TGM3: variants seen among roughly 807,000 people sequenced by gnomAD.
TGM3 encodes the protein protein-glutamine gamma-glutamyltransferase E.
TGM3 carries 52 observed loss-of-function variants against 73.8 expected under a neutral mutation model. The observed-to-expected ratio is 0.70, with a 90% confidence interval of 0.56 to 0.89. The LOEUF is 0.89. Among genes scored for constraint, TGM3 ranks in the 40% least tolerant of loss-of-function variants. The pLI is 0.00. For synonymous variants in TGM3, 372 were observed against 354.9 expected (o/e 1.05, Z -0.54); for missense variants, 928 against 909.9 (o/e 1.02, Z -0.26).
At chr20:2,306,451 T>C (rs1297169371) in intron 1 of TGM3, among the ~76,000 whole-genome samples, 3 of 151,068 alleles carry the variant, frequency 2.0e-5, no homozygotes, top group Non-Finnish European at 2.9e-5. Context: ...GAGGTCTTCT[T>C]TTTTCTTTTT....
chr20:2,340,102 T>C, intron 12 of TGM3, 115 bp downstream of exon 12: 2 of 1,300,808 alleles, frequency 1.5e-6, no homozygotes. Flanking sequence ...CTTTACTCTT[T>C]TGGGGGTCTT....
chr20:2,330,690 G>A (rs926045774), intron 9 of TGM3, among the ~76,000 whole-genome samples: 1 of 152,176 alleles, frequency 6.6e-6, no homozygotes, highest in Non-Finnish European at 1.5e-5. Flanking sequence ...GAAGGGGCTT[G>A]CTGTATCGTA....
intron 2 of TGM3, 148 bp from the exon 3 acceptor site, chr20:2,310,030 G>A: frequency 7.2e-7 from 1 of 1,381,694 alleles, no homozygotes; most frequent in African/African-American, 1.4e-5. Context: ...GAGGGATCTG[G>A]CCTGTATGTT....
In TGM3 at chr20:2,334,284, G is replaced by GATGCAGGGCCAGGTT. The variant is rs2084336194; in HGVS notation, c.1643-831_1643-817dup. Among the ~76,000 whole-genome samples, 1 of 152,244 alleles carries GATGCAGGGCCAGGTT rather than the reference G, an allele frequency of 6.6e-6. No homozygotes were observed. Among genetic ancestry groups the GATGCAGGGCCAGGTT allele is most frequent in the Non-Finnish European group, 1.5e-5 (1 of 68,044 alleles). On this transcript the variant is annotated intron_variant, in intron 10 of 12. Coordinates refer to ENST00000381458, the MANE Select transcript of TGM3 (RefSeq NM_003245.4). This position sits in a 1 kb window ranked among gnomAD's most constrained non-coding sequence, Gnocchi z 4.0. ...TGGAAGGTTCTTTTAAGGGACAGGT[G>GATGCAGGGCCAGGTT]ATGCAGGGCCAGGTTGAGGGGTCTG...
intron 8 of TGM3, among the ~76,000 whole-genome samples, chr20:2,327,131 A>C (rs757318979): frequency 3.3e-4 from 50 of 152,176 alleles, no homozygotes; most frequent in Non-Finnish European, 6.6e-4. Flanking sequence ...AATGGAATGG[A>C]ACGGAAAGCA....
At chr20:2,333,405 G>A (rs567141846) in intron 10 of TGM3, among the ~76,000 whole-genome samples, 1 of 152,054 alleles carries the variant, frequency 6.6e-6, no homozygotes, top group South Asian at 2.1e-4. Context: ...TATTTGTTTT[G>A]TTTTTAGACA....
At chr20:2,337,861 T>C (rs7263873) in intron 11 of TGM3, among the ~76,000 whole-genome samples, 3,699 of 152,326 alleles carry the variant, frequency 0.024, 138 homozygotes, top group African/African-American at 0.083. Context: ...AGTCTACTTA[T>C]CTTTAAGATA....
In TGM3 at chr20:2,340,941, A is replaced by G; in HGVS notation, c.*360A>G. ...GGATACAGGAGAGAAGCTGGTCTAG[A>G]CTGTTTGCTGATCCCCAACCTGCAC... On this transcript the variant is annotated 3_prime_UTR_variant, in exon 13 of 13. Transcript: ENST00000381458. 1 of 475,778 alleles carries G rather than the reference A, an allele frequency of 2.1e-6. No homozygotes were observed. The highest frequency in any genetic ancestry group is 4.2e-6 in the Non-Finnish European group (1 of 240,196). 29.5% of individuals were successfully genotyped at this position (475,778 alleles called of 1,614,324 possible). A position where few individuals can be genotyped will look rare whatever the true frequency, so the allele number is the denominator to read the frequency against.
chr20:2,339,847 C>T lies in TGM3; in HGVS notation c.1801-7C>T. 1 of 1,613,956 alleles carries T rather than the reference C, an allele frequency of 6.2e-7. No individual in the cohort carries two copies. ...AGTCCTGACTCGGCAGCCCCTCTCC[C>T]CCATAGGTGCTGAACGAGGCTCGTG... On this transcript the variant is annotated splice_polypyrimidine_tract_variant and splice_region_variant and intron_variant, in intron 11 of 12. Transcript: ENST00000381458.
At chr20:2,300,249 A>AAAGG (rs982719705) in intron 1 of TGM3, among the ~76,000 whole-genome samples, 1 of 151,486 alleles carries the variant, frequency 6.6e-6, no homozygotes, top group Non-Finnish European at 1.5e-5. Context: ...AGAAAGAAAG[A>AAAGG]AAGAAAAGAG....
In TGM3 at chr20:2,328,504, A is replaced by G; in HGVS notation, c.1333+139A>G. ...CTGAATGATAGGATTGCTCCCTAGC[A>G]CCTAACATCCACCTCCCAGGACTGT... On this transcript the variant is annotated intron_variant, in intron 9 of 12. Transcript: ENST00000381458. This position sits in a 1 kb window ranked among gnomAD's most constrained non-coding sequence, Gnocchi z 5.2. 1 of 1,226,064 alleles carries G rather than the reference A, an allele frequency of 8.2e-7. No individual in the cohort carries two copies. The highest frequency in any genetic ancestry group is 1.1e-6 in the Non-Finnish European group (1 of 885,894). 75.9% of individuals were successfully genotyped at this position (1,226,064 alleles called of 1,614,324 possible).
Position 2,328,346 on chromosome 20 carries a change from C to T in TGM3, c.1314C>T (p.Asp438=). The part of the protein sequence containing the change: ...VGSNARMDVT[D]KYKYPEGSDQ... ...GCAATGCTCGCATGGACGTCACGGA[C>T]AAGTACAAGTACCCAGAAGGTAGGA... is the stretch of plus-strand genomic sequence containing the variant. The change falls in exon 9 of 13, where the codon GAC becomes GAT. Residue 438 remains aspartate (D), a synonymous_variant. Transcript: ENST00000381458. This position sits in a 1 kb window ranked among gnomAD's most constrained non-coding sequence, Gnocchi z 5.2. The T allele has an allele frequency of 6.2e-7, 1 of 1,614,112 alleles. No homozygotes were observed. Among genetic ancestry groups the T allele is most frequent in the Non-Finnish European group, 8.5e-7 (1 of 1,180,026 alleles).
At chr20:2,306,931 T>C (rs1461027787) in intron 1 of TGM3, among the ~76,000 whole-genome samples, 2 of 152,276 alleles carry the variant, frequency 1.3e-5, no homozygotes, top group East Asian at 1.9e-4. Context: ...TACACAGCCA[T>C]CTAGGGCTCA....
chr20:2,336,800 T>C (rs570535323), intron 11 of TGM3, among the ~76,000 whole-genome samples: 4 of 151,970 alleles, frequency 2.6e-5, no homozygotes, highest in South Asian at 2.1e-4. Context: ...AACCCCTCCA[T>C]TGATCAGTGG....
chr20:2,329,171 A>G (rs1946396029), intron 9 of TGM3, among the ~76,000 whole-genome samples: 1 of 152,208 alleles, frequency 6.6e-6, no homozygotes, highest in Non-Finnish European at 1.5e-5. Flanking sequence ...ATGCTTTGAA[A>G]TTGCTCATTC....
In TGM3 at chr20:2,328,214, T is replaced by TGCC; in HGVS notation, c.1184_1186dup (p.Ala395dup). ...TGCCCTTTATCTTCGCGGAGGTTAA[T>TGCC]GCCGACCGCATCACCTGGCTGTACG... On this transcript the variant is annotated inframe_insertion, in exon 9 of 13. Coordinates refer to ENST00000381458, the MANE Select transcript of TGM3 (RefSeq NM_003245.4). The surrounding 1 kb of genome is among the most constrained non-coding windows in gnomAD (Gnocchi z 5.2). 2 of 1,614,188 alleles carry TGCC rather than the reference T, an allele frequency of 1.2e-6. No individual in the cohort carries two copies.
At chr20:2,316,728 A>AG (rs2084235116) in intron 5 of TGM3, among the ~76,000 whole-genome samples, 1 of 152,170 alleles carries the variant, frequency 6.6e-6, no homozygotes, top group Non-Finnish European at 1.5e-5. Flanking sequence ...ACCTGCCAGA[A>AG]GTCCTCTGCA....
intron 7 of TGM3, among the ~76,000 whole-genome samples, chr20:2,321,143 A>C (rs2122232751): frequency 6.6e-6 from 1 of 152,312 alleles, no homozygotes; most frequent in South Asian, 2.1e-4. Context: ...TTCAGCCCAG[A>C]AACAACTCAA....
chr20:2,320,708 T>A (rs1015483060), intron 7 of TGM3, among the ~76,000 whole-genome samples: 4 of 152,218 alleles, frequency 2.6e-5, no homozygotes, highest in African/African-American at 4.8e-5. Flanking sequence ...AGGACACTTT[T>A]CGGGGGAGCT....
Sources: gnomAD v4.1 joint callset for allele counts (sites outside exome capture counted in the v4.1 genomes callset) on GRCh38, gnomAD v4.1.1 for gene constraint, Gnocchi (gnomAD v3.1) non-coding constraint, MANE v1.5 for transcripts, NCBI Gene and HGNC (gene_info 2026-07-23, HGNC 2026-07-21) for gene names.